IL1RN: variants seen among roughly 807,000 people sequenced by gnomAD.
IL1RN encodes interleukin 1 receptor antagonist, also known as interleukin-1 receptor antagonist protein.
Under a neutral mutation model 13.7 loss-of-function variants are expected in IL1RN, and 10 were observed. That is an observed-to-expected ratio of 0.73 (90% CI 0.45 to 1.24). The LOEUF (loss-of-function observed/expected upper bound fraction) is 1.24, where lower values mean the gene tolerates loss of function less well. Among genes scored for constraint, IL1RN ranks in the 50% most tolerant of loss-of-function variants. The pLI, the probability that IL1RN is intolerant of heterozygous loss-of-function variation, is 0.00. For synonymous variants in IL1RN, 102 were observed against 82.7 expected, an observed-to-expected ratio of 1.23 and a Z score of -1.27; for missense variants, 213 against 222.1, an observed-to-expected ratio of 0.96 and a Z score of 0.26.
upstream of IL1RN, among the ~76,000 whole-genome samples, chr2:113,116,971 G>T (rs1686609024): frequency 6.6e-6 from 1 of 152,240 alleles, no homozygotes; most frequent in South Asian, 2.1e-4. Context: ...GTTGGCTGCA[G>T]ACCTGGGGAC....
chr2:113,118,882 C>T (rs1000309293), intron 1 of IL1RN, among the ~76,000 whole-genome samples: 3 of 152,012 alleles, frequency 2.0e-5, no homozygotes, highest in Non-Finnish European at 4.4e-5. Flanking sequence ...ATTAAAAATA[C>T]AAAAATTAGC....
At chr2:113,132,455 T>C (rs1573311152) in intron 3 of IL1RN, among the ~76,000 whole-genome samples, 1 of 152,096 alleles carries the variant, frequency 6.6e-6, no homozygotes, top group Non-Finnish European at 1.5e-5. Flanking sequence ...CTCGGGAAAA[T>C]TAATTAATAA....
chr2:113,113,129 G>A (rs932287147), upstream of IL1RN: 1 of 152,136 alleles, frequency 6.6e-6, no homozygotes, highest in Non-Finnish European at 1.5e-5. Flanking sequence ...GCTGATTGGA[G>A]TTTGCAACAC....
upstream of IL1RN, among the ~76,000 whole-genome samples, chr2:113,116,347 C>G (rs1012999165): frequency 2.6e-5 from 4 of 152,240 alleles, no homozygotes; most frequent in African/African-American, 9.6e-5. Flanking sequence ...ATTCTTTAGT[C>G]AGCAGGAATT....
At chr2:113,108,580 C>A (rs190850170), upstream of IL1RN, among the ~76,000 whole-genome samples, 1 of 152,248 alleles carries the variant, frequency 6.6e-6, no homozygotes, top group Non-Finnish European at 1.5e-5. Flanking sequence ...AGCTGATTAG[C>A]AACCTCAATT....
chr2:113,099,708 A>G, the IL1RN span, among the ~76,000 whole-genome samples: 2 of 132,886 alleles, frequency 1.5e-5, no homozygotes, highest in Admixed American at 7.6e-5. Context: ...ATTTTTCCTC[A>G]GCATCCTCTT....
intron 2 of IL1RN, 93 bp from the exon 3 acceptor site, chr2:113,130,951 TG>T: frequency 1.2e-6 from 1 of 819,174 alleles, no homozygotes; most frequent in Non-Finnish European, 2.1e-6. Flanking sequence ...TTTAGTTTTG[TG>T]GGGACCAGGG....
upstream of IL1RN, chr2:113,127,540 G>T: frequency 1.9e-6 from 3 of 1,545,420 alleles, no homozygotes; most frequent in Non-Finnish European, 2.6e-6. Context: ...GGTGGCAGAC[G>T]CCTAGCTTGG....
At chr2:113,107,569 CA>C (rs33981313), upstream of IL1RN, among the ~76,000 whole-genome samples, 26,923 of 143,086 alleles carry the variant, frequency 0.19, 2,551 homozygotes, top group Middle Eastern at 0.28. Context: ...ACTAAAAATA[CA>C]AAAAAAAAAA....
Position 113,130,200 on chromosome 2 carries a change from T to C in IL1RN, c.205+536T>C, listed in dbSNP as rs991819077. ...TGGACAACAGGATGTGCGATTCTTTTAGTTCCAGCCTTCCAGGATGTTTTC... is the reference window on the plus strand; with the variant it reads ...TGGACAACAGGATGTGCGATTCTTTCAGTTCCAGCCTTCCAGGATGTTTTC... On this transcript the variant is annotated intron_variant, in intron 2 of 3. Transcript: ENST00000409930. 10 of 167,210 alleles carry C rather than the reference T, an allele frequency of 6.0e-5. No individual in the cohort carries two copies. The South Asian group carries it at 1.2e-3, about 20-fold the overall frequency. The allele number at this position is 167,210 out of a possible 1,614,324, so 10.4% of individuals were successfully genotyped here. A position where few individuals can be genotyped will look rare whatever the true frequency, so the allele number is the denominator to read the frequency against.
the IL1RN span, among the ~76,000 whole-genome samples, chr2:113,099,563 G>A: frequency 6.6e-6 from 1 of 152,164 alleles, no homozygotes; most frequent in Non-Finnish European, 1.5e-5. Context: ...TCCTTCAAAG[G>A]GTCTGTGGAC....
chr2:113,103,922 A>T (rs1686350089), upstream of IL1RN, among the ~76,000 whole-genome samples: 1 of 152,120 alleles, frequency 6.6e-6, no homozygotes, highest in Non-Finnish European at 1.5e-5. Flanking sequence ...AATATTCAAT[A>T]TGTGTTGAGT....
intron 1 of IL1RN, chr2:113,111,256 G>A (rs1391530824): frequency 6.6e-6 from 1 of 152,180 alleles, no homozygotes; most frequent in Non-Finnish European, 1.5e-5. Context: ...TCTCAAAAAG[G>A]TTGAAAGACT....
chr2:113,129,000 A>G (rs968125152), intron 1 of IL1RN, among the ~76,000 whole-genome samples: 2 of 152,216 alleles, frequency 1.3e-5, no homozygotes, highest in Non-Finnish European at 2.9e-5. Flanking sequence ...GGCTCTAGGG[A>G]AAGACCCTTC....
At chr2:113,112,613 C>T (rs146839968) in intron 1 of IL1RN, among the ~76,000 whole-genome samples, 15 of 152,312 alleles carry the variant, frequency 9.8e-5, no homozygotes, top group Non-Finnish European at 1.5e-4. Context: ...TCCCCGCCCA[C>T]GCTTTCTCTT....
chr2:113,110,358 T>C (rs1473611694), upstream of IL1RN, among the ~76,000 whole-genome samples: 1 of 152,238 alleles, frequency 6.6e-6, no homozygotes, highest in East Asian at 1.9e-4. Context: ...GTGGGCTTGC[T>C]ATCCTAGCTT....
chr2:113,114,375 T>C (rs1382044426), upstream of IL1RN, among the ~76,000 whole-genome samples: 1 of 146,152 alleles, frequency 6.8e-6, no homozygotes, highest in Non-Finnish European at 1.5e-5. Context: ...CAGTTTCTTA[T>C]TCCTGGTACT....
intron 2 of IL1RN, among the ~76,000 whole-genome samples, chr2:113,120,990 C>G (rs1048064101): frequency 6.6e-6 from 1 of 151,572 alleles, no homozygotes; most frequent in Non-Finnish European, 1.5e-5. Context: ...TCTTCCTCCC[C>G]CTTCTCCTCT....
intron 1 of IL1RN, among the ~76,000 whole-genome samples, chr2:113,119,584 A>G (rs1478376400): frequency 2.0e-5 from 3 of 152,176 alleles, no homozygotes; most frequent in Non-Finnish European, 2.9e-5. Flanking sequence ...ATGTTAGCCC[A>G]TGGTCTTATG....
Sources: gnomAD v4.1 joint callset for allele counts (sites outside exome capture counted in the v4.1 genomes callset) on GRCh38, gnomAD v4.1.1 for gene constraint, MANE v1.5 for transcripts, NCBI Gene and HGNC (gene_info 2026-07-23, HGNC 2026-07-21) for gene names.